CNTNAP3B: variants seen among roughly 807,000 people sequenced by gnomAD.
The protein encoded by CNTNAP3B is contactin-associated protein-like 3B.
Under a neutral mutation model 108.9 loss-of-function variants are expected in CNTNAP3B, and 25 were observed. The ratio of observed to expected loss-of-function variants is 0.23; its 90% CI spans 0.17 to 0.32. The LOEUF (loss-of-function observed/expected upper bound fraction) is 0.32. Ranked by LOEUF, CNTNAP3B falls within the 10% of genes least tolerant of loss-of-function variation. The pLI is 1.00. For missense variants in CNTNAP3B, 252 were observed against 1,210.4 expected (o/e 0.21, Z 11.75); for synonymous variants, 103 against 473.4 (o/e 0.22, Z 10.16).
rs184189385 is a variant in CNTNAP3B at position 42,054,154 on chromosome 9, A to G, written c.390+22715T>C. Among the ~76,000 whole-genome samples, 405 of 102,486 alleles carry G rather than the reference A, an allele frequency of 4.0e-3. 15 individuals carry two copies. Among genetic ancestry groups the G allele is most frequent in the Middle Eastern group, 9.3e-3 (2 of 216 alleles). The allele number at this position is 102,486 out of a possible 152,430, so 67.2% of individuals were successfully genotyped here. On this transcript the variant is annotated intron_variant, in intron 3 of 23. Coordinates refer to ENST00000377561, the MANE Select transcript of CNTNAP3B (RefSeq NM_001201380.3). Reference sequence around the variant, plus strand: ...GGATTTCTTCATTGTAGCTTGTTGCAGCACTTCTGTGCGTGTGTGTGTGTG... The same window carrying G: ...GGATTTCTTCATTGTAGCTTGTTGCGGCACTTCTGTGCGTGTGTGTGTGTG...
chr9:41,935,275 C>T (rs1176143593), intron 14 of CNTNAP3B, among the ~76,000 whole-genome samples: 1 of 152,038 alleles, frequency 6.6e-6, no homozygotes, highest in Non-Finnish European at 1.5e-5. Context: ...TTGCTGATTA[C>T]AGGGACAACT....
chr9:41,964,074 A>G (rs1438690431), intron 11 of CNTNAP3B, among the ~76,000 whole-genome samples: 1 of 152,304 alleles, frequency 6.6e-6, no homozygotes, highest in Non-Finnish European at 1.5e-5. Flanking sequence ...GCCATGTACA[A>G]TCCCATGATT....
At chr9:41,997,294 G>A (rs1230360206) in intron 6 of CNTNAP3B, among the ~76,000 whole-genome samples, 7 of 151,996 alleles carry the variant, frequency 4.6e-5, no homozygotes, top group Non-Finnish European at 8.8e-5. Context: ...ATTCAAATGA[G>A]TACATTTAAT....
At chr9:41,969,722 A>G (rs1825386050) in intron 10 of CNTNAP3B, among the ~76,000 whole-genome samples, 3 of 148,962 alleles carry the variant, frequency 2.0e-5, no homozygotes, top group East Asian at 2.0e-4. Flanking sequence ...GGTTCATGCC[A>G]TTCTCCTGCC....
At chr9:41,941,507 T>C (rs1460057339) in intron 13 of CNTNAP3B, among the ~76,000 whole-genome samples, 3 of 150,550 alleles carry the variant, frequency 2.0e-5, no homozygotes, top group East Asian at 3.9e-4. Context: ...CAAGAAACAA[T>C]ACACCCTTAA....
At position 42,030,813 on chromosome 9, in the gene CNTNAP3B, G is replaced by GGAGAGAGAGAGAGAGAGA. The variant is rs71274672; in HGVS notation, c.391-17306_391-17289dup. On this transcript the variant is annotated intron_variant, in intron 3 of 23. Transcript: ENST00000377561. ...TGTGCGAGAGAGAGAGAGAGAGAGA[G>GGAGAGAGAGAGAGAGAGA]GAGAGAGAGAGAGAGAGAGAGAGAG... Among the ~76,000 whole-genome samples the GGAGAGAGAGAGAGAGAGA allele has an allele frequency of 1.9e-3, 125 of 65,746 alleles. 4 individuals carry two copies. Among genetic ancestry groups the GGAGAGAGAGAGAGAGAGA allele is most frequent in the African/African-American group, 6.1e-3 (78 of 12,730 alleles). The allele number at this position is 65,746 out of a possible 152,430, so 43.1% of individuals were successfully genotyped here. A position where few individuals can be genotyped will look rare whatever the true frequency, so the allele number is the denominator to read the frequency against.
At chr9:41,957,778 T>G (rs1200012844) in intron 12 of CNTNAP3B, among the ~76,000 whole-genome samples, 2 of 152,294 alleles carry the variant, frequency 1.3e-5, no homozygotes, top group Non-Finnish European at 2.9e-5. Context: ...TTGGTTTTTT[T>G]GAGACAAAAT....
chr9:41,926,815 T>C (rs1823833573), intron 15 of CNTNAP3B: 1 of 152,342 alleles, frequency 6.6e-6, no homozygotes, highest in Admixed American at 6.5e-5. Flanking sequence ...GAATGACATA[T>C]CCTGAAGAGT....
chr9:41,924,744 G>C (rs1348336720), intron 15 of CNTNAP3B, among the ~76,000 whole-genome samples: 4 of 152,158 alleles, frequency 2.6e-5, no homozygotes, highest in Admixed American at 1.3e-4. Flanking sequence ...AAGCTTATTT[G>C]TTCCCTTCTG....
At position 42,049,388 on chromosome 9, in the gene CNTNAP3B, CCTTT is replaced by C. The variant is rs1289285173; in HGVS notation, c.390+27477_390+27480del. Among the ~76,000 whole-genome samples the C allele has an allele frequency of 7.9e-4, 108 of 137,510 alleles. 22 individuals carry two copies. Among genetic ancestry groups the C allele is most frequent in the African/African-American group, 3.1e-3 (107 of 34,426 alleles). The allele number at this position is 137,510 out of a possible 152,430, so 90.2% of individuals were successfully genotyped here. ...TCCACATTGCCCAAACAGCATGGTA[CCTTT>C]TTTTCCAGACTCTTTTGCCAATTTG... On this transcript the variant is annotated intron_variant, in intron 3 of 23. Transcript: ENST00000377561.
chr9:42,054,455 C>G (rs557777727), intron 3 of CNTNAP3B, among the ~76,000 whole-genome samples: 2 of 151,680 alleles, frequency 1.3e-5, no homozygotes, highest in Non-Finnish European at 2.9e-5. Context: ...TAGTGCGTGA[C>G]TGGATTCCAC....
chr9:41,967,757 C>A (rs796123425), intron 10 of CNTNAP3B, among the ~76,000 whole-genome samples: 1 of 152,008 alleles, frequency 6.6e-6, no homozygotes, highest in Non-Finnish European at 1.5e-5. Context: ...TCAAAATAAT[C>A]TCAGAGGAGC....
At chr9:42,051,807 A>C (rs539252310) in intron 3 of CNTNAP3B, among the ~76,000 whole-genome samples, 1 of 152,046 alleles carries the variant, frequency 6.6e-6, no homozygotes, top group South Asian at 2.1e-4. Context: ...TTTTTCAGTA[A>C]TTTTTGCAAA....
chr9:42,112,110 G>A (rs2118716557), intron 1 of CNTNAP3B, among the ~76,000 whole-genome samples: 1 of 139,564 alleles, frequency 7.2e-6, no homozygotes, highest in South Asian at 2.3e-4. Flanking sequence ...TCCTTTAATT[G>A]GAGTGGTCTT....
At chr9:41,940,906 G>A (rs1160999285) in intron 13 of CNTNAP3B, among the ~76,000 whole-genome samples, 1 of 152,298 alleles carries the variant, frequency 6.6e-6, no homozygotes, top group Non-Finnish European at 1.5e-5. Context: ...AATGGCTAAA[G>A]GAGGTTTTTC....
intron 9 of CNTNAP3B, chr9:41,983,238 A>T (rs1464177431): frequency 2.2e-5 from 3 of 133,876 alleles, no homozygotes; most frequent in Non-Finnish European, 3.2e-5. Flanking sequence ...TTCTGTAGGA[A>T]ATGGGAATTA....
intron 13 of CNTNAP3B, among the ~76,000 whole-genome samples, chr9:41,941,922 A>T (rs553955270): frequency 4.3e-4 from 65 of 152,294 alleles, no homozygotes; most frequent in Non-Finnish European, 8.8e-4. Context: ...AAACGCTCTT[A>T]TGTCTCCAGC....
At chr9:41,951,199 GTTAC>G (rs1824668635) in intron 13 of CNTNAP3B, among the ~76,000 whole-genome samples, 1 of 147,352 alleles carries the variant, frequency 6.8e-6, no homozygotes, top group African/African-American at 2.5e-5. Context: ...GGTTCTCTCT[GTTAC>G]TTCTCACAAG....
At chr9:42,056,757 C>T (rs1827082024) in intron 3 of CNTNAP3B, among the ~76,000 whole-genome samples, 1 of 125,318 alleles carries the variant, frequency 8.0e-6, no homozygotes, top group Non-Finnish European at 1.6e-5. Flanking sequence ...TGTAAGAGCA[C>T]TTTACAAAAA....
Sources: allele counts gnomAD v4.1 joint callset (sites outside exome capture counted in the v4.1 genomes callset), GRCh38; gene constraint gnomAD v4.1.1; transcripts MANE v1.5; gene names NCBI Gene and HGNC (gene_info 2026-07-23, HGNC 2026-07-21).